The following CERT1 variants were observed in gnomAD, a reference collection of about 807,000 sequenced individuals.
CERT1 encodes ceramide transfer protein.
A neutral mutation model predicts 87.9 loss-of-function variants in CERT1; 31 were observed. That is an observed-to-expected ratio of 0.35 (90% CI 0.27 to 0.48). CERT1 has a LOEUF of 0.48. Ranked by LOEUF, CERT1 falls within the 20% of genes least tolerant of loss-of-function variation. The pLI, the probability that CERT1 is intolerant of heterozygous loss-of-function variation, is 0.99. For synonymous variants in CERT1, 289 were observed against 250.9 expected, an observed-to-expected ratio of 1.15 and a Z score of -1.44; for missense variants, 487 against 758.0, an observed-to-expected ratio of 0.64 and a Z score of 4.20.
chr5:75,429,066 G>T (rs760974454), intron 3 of CERT1, among the ~76,000 whole-genome samples: 25 of 151,682 alleles, frequency 1.6e-4, no homozygotes, highest in Non-Finnish European at 3.2e-4. Context: ...CCGCTTCTCA[G>T]ATTAATGGTC....
chr5:75,498,769 G>GC (rs1231220510), intron 2 of CERT1, among the ~76,000 whole-genome samples: 2 of 152,146 alleles, frequency 1.3e-5, no homozygotes, highest in Admixed American at 6.5e-5. Context: ...TGGGGTTGAA[G>GC]CCCCCCCACC....
intron 3 of CERT1, among the ~76,000 whole-genome samples, chr5:75,429,860 C>T (rs1187048740): frequency 7.7e-6 from 1 of 129,094 alleles, no homozygotes; most frequent in East Asian, 2.4e-4. Flanking sequence ...AAAAAAAAAG[C>T]AAGGGTAAAA....
chr5:75,469,469 T>C (rs57414757), intron 2 of CERT1, among the ~76,000 whole-genome samples: 11,907 of 152,118 alleles, frequency 0.078, 1,097 homozygotes, highest in African/African-American at 0.22. Flanking sequence ...ATGATGTAAA[T>C]TGTAACATCA....
At chr5:75,495,594 C>G (rs910467277) in intron 2 of CERT1, among the ~76,000 whole-genome samples, 2 of 152,082 alleles carry the variant, frequency 1.3e-5, no homozygotes, top group African/African-American at 4.8e-5. Flanking sequence ...CAAGCCTACA[C>G]AGCACTCACT....
At chr5:75,451,687 A>G (rs918367622) in intron 3 of CERT1, among the ~76,000 whole-genome samples, 1 of 152,230 alleles carries the variant, frequency 6.6e-6, no homozygotes, top group Non-Finnish European at 1.5e-5. Flanking sequence ...ACAAACCAAC[A>G]GTATGACTTT....
intron 2 of CERT1, among the ~76,000 whole-genome samples, chr5:75,490,385 G>A (rs1307035499): frequency 2.0e-5 from 3 of 151,048 alleles, no homozygotes; most frequent in African/African-American, 4.9e-5. Context: ...CTAGTAATAT[G>A]AAAATTAGTC....
intron 9 of CERT1, chr5:75,401,798 TG>T (rs1206350381): frequency 6.6e-6 from 1 of 152,218 alleles, no homozygotes; most frequent in African/African-American, 2.4e-5. Context: ...ATAATAGCCA[TG>T]ACTGTCTTAG....
intron 8 of CERT1, among the ~76,000 whole-genome samples, chr5:75,407,264 C>T (rs1762742896): frequency 6.6e-6 from 1 of 151,828 alleles, no homozygotes. Context: ...ATTTTAAAAA[C>T]TCCAGATGTA....
chr5:75,434,640 GTTTT>G (rs1016576077), intron 3 of CERT1, among the ~76,000 whole-genome samples: 2 of 143,876 alleles, frequency 1.4e-5, no homozygotes, highest in South Asian at 2.2e-4. Flanking sequence ...TGATTGGTAG[GTTTT>G]TTTTTTTTTA....
At chr5:75,374,492 T>TG, downstream of CERT1, 1 of 722,830 alleles carries the variant, frequency 1.4e-6, no homozygotes, top group South Asian at 1.4e-5. Context: ...ACAATGGTTG[T>TG]GCCAAAAAGG....
chr5:75,466,589 A>G (rs188273633), intron 2 of CERT1, among the ~76,000 whole-genome samples: 19 of 152,322 alleles, frequency 1.2e-4, no homozygotes, highest in Non-Finnish European at 2.5e-4. Flanking sequence ...TCAACTCTTC[A>G]GAGATCCTTT....
intron 5 of CERT1, among the ~76,000 whole-genome samples, chr5:75,422,373 T>G (rs1763418996): frequency 1.3e-5 from 2 of 152,148 alleles, no homozygotes; most frequent in Non-Finnish European, 2.9e-5. Context: ...CCCAGCACTT[T>G]GGGAGGCAGA....
At chr5:75,485,725 T>C (rs62366601) in intron 2 of CERT1, among the ~76,000 whole-genome samples, 125 of 152,202 alleles carry the variant, frequency 8.2e-4, no homozygotes, top group Non-Finnish European at 1.6e-3. Flanking sequence ...GAGGCTACTA[T>C]AAGCAACTAT....
At chr5:75,401,945 T>G (rs1762512357) in intron 9 of CERT1, 1 of 152,178 alleles carries the variant, frequency 6.6e-6, no homozygotes, top group African/African-American at 2.4e-5. Flanking sequence ...AGGTTAAGCT[T>G]CCACCATAAC....
intron 1 of CERT1, among the ~76,000 whole-genome samples, chr5:75,509,195 G>C (rs189266757): frequency 6.6e-6 from 1 of 151,916 alleles, no homozygotes; most frequent in Non-Finnish European, 1.5e-5. Context: ...AATTGTACCG[G>C]GACTTATTTA....
At chr5:75,405,156 C>A (rs1285764136) in intron 8 of CERT1, among the ~76,000 whole-genome samples, 3 of 152,028 alleles carry the variant, frequency 2.0e-5, no homozygotes, top group Non-Finnish European at 2.9e-5. Context: ...AAAAAAAACC[C>A]TTTTATCTCA....
rs893001977 is a variant in CERT1 at position 75,379,177 on chromosome 5, G to A, written c.*169C>T. ...AGCTTAGGAAACAGAGCAAGACCCT[G>A]TTTAAAACAACAACAACGACAACAA... On this transcript the variant is annotated 3_prime_UTR_variant, in exon 17 of 17. Coordinates refer to ENST00000643780, the MANE Select transcript of CERT1 (RefSeq NM_001379029.1). The A allele has an allele frequency of 1.1e-5, 7 of 635,606 alleles. No individual in the cohort carries two copies. The highest frequency in any genetic ancestry group is 1.6e-5 in the Non-Finnish European group (6 of 373,626). The allele number at this position is 635,606 out of a possible 1,614,324, so 39.4% of individuals were successfully genotyped here.
chr5:75,444,745 C>T (rs1423436575), intron 3 of CERT1, among the ~76,000 whole-genome samples: 1 of 151,912 alleles, frequency 6.6e-6, no homozygotes, highest in Admixed American at 6.6e-5. Flanking sequence ...CTGGGTTTCA[C>T]CATGTTGGCC....
intron 5 of CERT1, among the ~76,000 whole-genome samples, chr5:75,424,415 T>C (rs894549178): frequency 1.3e-5 from 2 of 151,662 alleles, no homozygotes; most frequent in Non-Finnish European, 2.9e-5. Context: ...CTACTAAAAA[T>C]ACAAAAATTA....
Sources: gnomAD v4.1 joint callset for allele counts (sites outside exome capture counted in the v4.1 genomes callset) on GRCh38, gnomAD v4.1.1 for gene constraint, MANE v1.5 for transcripts, NCBI Gene and HGNC (gene_info 2026-07-23, HGNC 2026-07-21) for gene names.